CADM1: variants seen among roughly 807,000 people sequenced by gnomAD.
The protein encoded by CADM1 is TSLC-1.
A neutral mutation model predicts 53.1 loss-of-function variants in CADM1; 15 were observed. The ratio of observed to expected loss-of-function variants is 0.28; its 90% CI spans 0.19 to 0.44. CADM1 has a LOEUF of 0.44. Among genes scored for constraint, CADM1 ranks in the 20% least tolerant of loss-of-function variants. CADM1 has a pLI of 1.00. For synonymous variants in CADM1, 281 were observed against 243.0 expected (o/e 1.16, Z -1.45); for missense variants, 434 against 611.3 (o/e 0.71, Z 3.06).
At chr11:115,230,189 T>G (rs1362408648) in intron 4 of CADM1, among the ~76,000 whole-genome samples, 1 of 152,218 alleles carries the variant, frequency 6.6e-6, no homozygotes, top group Non-Finnish European at 1.5e-5. Flanking sequence ...TTCTTGAAAC[T>G]TAAGCTGTTA....
chr11:115,226,127 G>C (rs946739608), intron 5 of CADM1, among the ~76,000 whole-genome samples: 3 of 151,656 alleles, frequency 2.0e-5, no homozygotes, highest in Non-Finnish European at 2.9e-5. Flanking sequence ...ACAAAGGAAA[G>C]GACATTGAAA....
intron 6 of CADM1, among the ~76,000 whole-genome samples, chr11:115,217,685 C>A (rs923344330): frequency 6.6e-6 from 1 of 152,122 alleles, no homozygotes; most frequent in Non-Finnish European, 1.5e-5. Flanking sequence ...TCAATCTTAG[C>A]GGGCATTTAA....
chr11:115,463,602 T>G (rs1227949358), intron 1 of CADM1, among the ~76,000 whole-genome samples: 1 of 152,230 alleles, frequency 6.6e-6, no homozygotes, highest in African/African-American at 2.4e-5. Flanking sequence ...AATCCAGGTA[T>G]CTGACATTTC....
At chr11:115,325,602 A>G (rs1329296366) in intron 1 of CADM1, among the ~76,000 whole-genome samples, 1 of 152,216 alleles carries the variant, frequency 6.6e-6, no homozygotes, top group East Asian at 1.9e-4. Context: ...CATAAGACCA[A>G]GCAGTGTGTT....
chr11:115,238,684 G>A (rs1186947033), intron 2 of CADM1, 32 bp from the exon 3 acceptor site: 1 of 1,609,432 alleles, frequency 6.2e-7, no homozygotes, highest in South Asian at 1.1e-5. Flanking sequence ...TAGTGATTGT[G>A]AGAAGGTGGA....
chr11:115,451,937 T>C (rs1052552793), intron 1 of CADM1, among the ~76,000 whole-genome samples: 2 of 152,032 alleles, frequency 1.3e-5, no homozygotes, highest in African/African-American at 2.4e-5. Flanking sequence ...AAAAAACTTT[T>C]TGGAAATTTC....
chr11:115,400,639 A>ATG (rs1194789992), intron 1 of CADM1, among the ~76,000 whole-genome samples: 877 of 73,112 alleles, frequency 0.012, 14 homozygotes, highest in South Asian at 0.02. Context: ...TATCATATAT[A>ATG]TGTGTGTGTG....
intron 1 of CADM1, among the ~76,000 whole-genome samples, chr11:115,443,123 T>G (rs1374355446): frequency 3.3e-5 from 5 of 152,160 alleles, no homozygotes; most frequent in African/African-American, 9.7e-5. Context: ...AATACAAATA[T>G]TCTTGGGCTG....
rs1376360883 is a variant in CADM1 at position 115,169,773 on chromosome 11, A to G, written c.*6701T>C. 1 of 333,920 alleles carries G rather than the reference A, an allele frequency of 3.0e-6. No homozygotes were observed. The highest frequency in any genetic ancestry group is 6.0e-6 in the Non-Finnish European group (1 of 165,948). The allele number at this position is 333,920 out of a possible 1,614,324, so 20.7% of individuals were successfully genotyped here. A position where few individuals can be genotyped will look rare whatever the true frequency, so the allele number is the denominator to read the frequency against. ...GTGTCTGGGCAAACAGCTTTTGTGG[A>G]TTAGCTAGACTTGCACTTGCCAGCA... On this transcript the variant is annotated 3_prime_UTR_variant, in exon 12 of 12. Coordinates refer to ENST00000331581, the MANE Select transcript of CADM1 (RefSeq NM_001301043.2).
intron 1 of CADM1, among the ~76,000 whole-genome samples, chr11:115,438,228 T>G (rs144905999): frequency 2.0e-5 from 3 of 152,306 alleles, no homozygotes; most frequent in East Asian, 3.9e-4. Flanking sequence ...ATCACCACTT[T>G]GCTTGTGTTC....
chr11:115,486,826 A>G lies in CADM1; in HGVS notation c.124+17445T>C, dbSNP rs529226693. ...CTCTTTCTCAATAGCAATCCTTCCC[A>G]TATTTTCGAGACTTTGTTTAAATGG... On this transcript the variant is annotated intron_variant, in intron 1 of 11. Transcript: ENST00000331581. Among the ~76,000 whole-genome samples, 8 of 151,990 alleles carry G rather than the reference A, an allele frequency of 5.3e-5. No individual in the cohort carries two copies. In the South Asian group the frequency reaches 1.7e-3, roughly 32 times the overall value.
chr11:115,189,218 T>C (rs555729523), intron 10 of CADM1, among the ~76,000 whole-genome samples: 56 of 152,152 alleles, frequency 3.7e-4, no homozygotes, highest in Non-Finnish European at 1.3e-4. Context: ...GGGTGATTGA[T>C]AGAACTGCAG....
At chr11:115,274,654 T>C (rs1943394723) in intron 1 of CADM1, among the ~76,000 whole-genome samples, 1 of 152,216 alleles carries the variant, frequency 6.6e-6, no homozygotes, top group Non-Finnish European at 1.5e-5. Flanking sequence ...CTTGAACGTG[T>C]AGTAAAGAAG....
At chr11:115,221,450 AAAT>A (rs1424921823) in intron 5 of CADM1, among the ~76,000 whole-genome samples, 2 of 152,232 alleles carry the variant, frequency 1.3e-5, no homozygotes, top group African/African-American at 2.4e-5. Flanking sequence ...CCAATTAAAA[AAAT>A]AATATTAGAA....
Position 115,175,641 on chromosome 11 carries a change from C to T in CADM1, c.*833G>A. The T allele has an allele frequency of 1.0e-6, 1 of 985,650 alleles. No individual in the cohort carries two copies. Among genetic ancestry groups the T allele is most frequent in the Non-Finnish European group, 1.2e-6 (1 of 829,988 alleles). The allele number at this position is 985,650 out of a possible 1,614,324, so 61.1% of individuals were successfully genotyped here. ...TGGAAAAAGGAGGAGTCCTTTCTGCCCCAAACCTTTCTGGACAGCGTAGGG... is the reference window on the plus strand; with the variant it reads ...TGGAAAAAGGAGGAGTCCTTTCTGCTCCAAACCTTTCTGGACAGCGTAGGG... On this transcript the variant is annotated 3_prime_UTR_variant, in exon 12 of 12. Coordinates refer to ENST00000331581, the MANE Select transcript of CADM1 (RefSeq NM_001301043.2).
At chr11:115,453,475 G>A (rs949662956) in intron 1 of CADM1, among the ~76,000 whole-genome samples, 2 of 151,920 alleles carry the variant, frequency 1.3e-5, no homozygotes, top group African/African-American at 4.8e-5. Context: ...GTGGCTATGA[G>A]TTAGGCCAAA....
intron 1 of CADM1, among the ~76,000 whole-genome samples, chr11:115,380,390 C>A (rs554606506): frequency 1.9e-3 from 283 of 152,244 alleles, no homozygotes; most frequent in Middle Eastern, 3.4e-3. Context: ...AAATATTAAA[C>A]CATCCATCAG....
intron 1 of CADM1, among the ~76,000 whole-genome samples, chr11:115,490,556 G>A (rs555439720): frequency 2.6e-5 from 4 of 151,738 alleles, no homozygotes; most frequent in Admixed American, 6.6e-5. Flanking sequence ...CTACCACCAC[G>A]CCCGGCTAAT....
At chr11:115,311,613 A>G (rs758643335) in intron 1 of CADM1, among the ~76,000 whole-genome samples, 6 of 152,140 alleles carry the variant, frequency 3.9e-5, no homozygotes, top group Admixed American at 6.6e-5. Flanking sequence ...GGTCAAATAT[A>G]TCTCATTCAG....
Sources: gnomAD v4.1 joint callset for allele counts (sites outside exome capture counted in the v4.1 genomes callset) on GRCh38, gnomAD v4.1.1 for gene constraint, MANE v1.5 for transcripts, NCBI Gene and HGNC (gene_info 2026-07-23, HGNC 2026-07-21) for gene names.